Variants in MYOCD observed in about 807,000 individuals in gnomAD.
The protein encoded by MYOCD is myocardin.
In MYOCD, 32 loss-of-function variants were observed where a neutral mutation model predicts 96.1. The observed-to-expected ratio is 0.33, with a 90% CI of 0.25 to 0.45. MYOCD has a LOEUF of 0.45. Among genes scored for constraint, MYOCD ranks in the 20% least tolerant of loss-of-function variants. The probability of loss-of-function intolerance (pLI) is 1.00; values close to 1 mark genes in which losing one functional copy is unlikely to be tolerated. For synonymous variants in MYOCD, 469 were observed against 469.0 expected (o/e 1.00, Z 0.00); for missense variants, 1,133 against 1,200.6 (o/e 0.94, Z 0.83).
At position 12,765,737 on chromosome 17, in the gene MYOCD, G is replaced by T. The variant is rs1261963072; in HGVS notation, c.*2093G>T. 1 of 152,136 alleles carries T rather than the reference G, an allele frequency of 6.6e-6. No individual in the cohort carries two copies. The highest frequency in any genetic ancestry group is 1.5e-5 in the Non-Finnish European group (1 of 68,032). The allele number at this position is 152,136 out of a possible 1,614,324, so 9.4% of individuals were successfully genotyped here. On this transcript the variant is annotated 3_prime_UTR_variant, in exon 14 of 14. Transcript: ENST00000425538. ...GTTGCCTCTCTGTGTATGACTAACG[G>T]CTCCAACCCGATGACTCACAGCTAC...
rs923311145 is a variant in MYOCD at position 12,767,199 on chromosome 17, G to T, written c.*3555G>T. On this transcript the variant is annotated 3_prime_UTR_variant, in exon 14 of 14. Coordinates refer to ENST00000425538, the MANE Select transcript of MYOCD (RefSeq NM_001146312.3). ...AGTCATTCTTAGCACTACAATAATTGTACCAGTAATTGAGGAAACCAAGAC... is the reference window on the plus strand; with the variant it reads ...AGTCATTCTTAGCACTACAATAATTTTACCAGTAATTGAGGAAACCAAGAC... 1.3e-5 allele frequency: 2 copies of T among 152,056 alleles called. No homozygotes were observed. Among genetic ancestry groups the T allele is most frequent in the Admixed American group, 6.6e-5 (1 of 15,262 alleles). The allele number at this position is 152,056 out of a possible 1,614,324, so 9.4% of individuals were successfully genotyped here.
At chr17:12,718,717 A>C in intron 4 of MYOCD, among the ~76,000 whole-genome samples, 1 of 152,098 alleles carries the variant, frequency 6.6e-6, no homozygotes, top group Non-Finnish European at 1.5e-5. Flanking sequence ...TGAGGCAGCC[A>C]AAGGATGCCA....
chr17:12,740,392 G>T (rs1173363248), intron 7 of MYOCD, among the ~76,000 whole-genome samples: 3 of 152,118 alleles, frequency 2.0e-5, no homozygotes, highest in Admixed American at 6.6e-5. Flanking sequence ...TCATAGCTTA[G>T]TTCCCACTTA....
In MYOCD at chr17:12,758,086, T is replaced by C; in HGVS notation, c.2204T>C (p.Met735Thr). The change falls in exon 12 of 14, where the codon ATG (methionine) becomes ACG (threonine). Residue 735 changes from methionine (M) to threonine (T), a missense_variant and splice_region_variant. Coordinates refer to ENST00000425538, the MANE Select transcript of MYOCD (RefSeq NM_001146312.3). ...TTTCTTCATATTTTACCCATGCAGA[T>C]GGCTGGTTTACACTCTTCTGATAAG... is the stretch of plus-strand genomic sequence containing the variant. ...CPKSPCVQQK[M>T]AGLHSSDKVG... 6.2e-7 allele frequency: 1 copy of C among 1,609,726 alleles called. No homozygotes were observed.
chr17:12,728,699 G>A (rs770619843), intron 5 of MYOCD, among the ~76,000 whole-genome samples: 1 of 152,074 alleles, frequency 6.6e-6, no homozygotes, highest in South Asian at 2.1e-4. Flanking sequence ...GGCTTGTCTC[G>A]AACTCCCCAC....
In MYOCD at chr17:12,748,751, T is replaced by A. The variant is rs926460386; in HGVS notation, c.1125+2679T>A. On this transcript the variant is annotated intron_variant, in intron 9 of 13. Coordinates refer to ENST00000425538, the MANE Select transcript of MYOCD (RefSeq NM_001146312.3). The stretch of plus-strand genomic sequence containing the variant: ...TAAAAATAAATGTAGAACTCATCAA[T>A]TTTAAGTAATTCAAAATTAAAACAA... 5.3e-5 allele frequency among the ~76,000 whole-genome samples: 8 copies of A among 152,304 alleles called. No homozygotes were observed. In the East Asian group the frequency reaches 1.4e-3, roughly 26 times the overall value.
chr17:12,726,963 A>G (rs1383215257), intron 5 of MYOCD, among the ~76,000 whole-genome samples: 1 of 152,154 alleles, frequency 6.6e-6, no homozygotes, highest in African/African-American at 2.4e-5. Flanking sequence ...ATTACTAAAA[A>G]TTCTCACTCC....
At chr17:12,718,780 C>T (rs1044394001) in intron 4 of MYOCD, among the ~76,000 whole-genome samples, 2 of 152,170 alleles carry the variant, frequency 1.3e-5, no homozygotes, top group Non-Finnish European at 2.9e-5. Flanking sequence ...AGAATTCTTA[C>T]CTCCTTTGCA....
At chr17:12,744,116 G>T in intron 7 of MYOCD, 67 bp from the exon 8 acceptor site, 1 of 1,563,258 alleles carries the variant, frequency 6.4e-7, no homozygotes, top group Non-Finnish European at 8.7e-7. Context: ...CTCACAACGT[G>T]TCCATGATGC....
In MYOCD at chr17:12,756,416, C is replaced by T; in HGVS notation, c.2061C>T (p.Asn687=). The T allele has an allele frequency of 6.4e-7, 1 of 1,552,160 alleles. No homozygotes were observed. The highest frequency in any genetic ancestry group is 8.7e-7 in the Non-Finnish European group (1 of 1,147,104). ...ATTTGTCACTTCTTCCTTTGCAGAA[C>T]TCAGGAGCACACGATGGCCATCCTC... ...PISSQVCTAQ[N]SGAHDGHPPS... The change falls in exon 11 of 14, where the codon AAC becomes AAT. Residue 687 remains asparagine (N), a splice_region_variant and synonymous_variant. Transcript: ENST00000425538.
At chr17:12,745,470 A>C (rs531379764) in intron 8 of MYOCD, among the ~76,000 whole-genome samples, 1 of 152,196 alleles carries the variant, frequency 6.6e-6, no homozygotes, top group Admixed American at 6.5e-5. Flanking sequence ...CGGCCTCCCA[A>C]AGTGCTCGGA....
At position 12,763,624 on chromosome 17, in the gene MYOCD, C is replaced by T. The variant is rs759143664; in HGVS notation, c.2941C>T (p.Leu981Phe). The change falls in exon 14 of 14, where the codon CTT becomes TTT. Residue 981 changes from leucine (L) to phenylalanine (F), a missense_variant. Coordinates refer to ENST00000425538, the MANE Select transcript of MYOCD (RefSeq NM_001146312.3). ...TDLNLNSSMDLHLQQW is the reference protein window; with the variant it reads ...TDLNLNSSMDFHLQQW The stretch of plus-strand genomic sequence containing the variant: ...TCTCAATTTGAATTCTTCCATGGAC[C>T]TTCACTTGCAGCAGTGGTAGAATGC... 6.2e-7 allele frequency: 1 copy of T among 1,611,882 alleles called. No individual in the cohort carries two copies. The highest frequency in any genetic ancestry group is 1.1e-5 in the South Asian group (1 of 90,608).
In MYOCD at chr17:12,741,484, G is replaced by A. The variant is rs192827371; in HGVS notation, c.717+2156G>A. On this transcript the variant is annotated intron_variant, in intron 7 of 13. Coordinates refer to ENST00000425538, the MANE Select transcript of MYOCD (RefSeq NM_001146312.3). Reference sequence around the variant, plus strand: ...GCACTTTGGGAGGCCGAGGCGGGCAGATCACCTGAGGTCAGGAGTTCGAGA... The same window carrying A: ...GCACTTTGGGAGGCCGAGGCGGGCAAATCACCTGAGGTCAGGAGTTCGAGA... 2.8e-3 allele frequency among the ~76,000 whole-genome samples: 419 copies of A among 152,288 alleles called. 4 individuals are homozygous for A. Among genetic ancestry groups the A allele is most frequent in the African/African-American group, 9.7e-3 (403 of 41,568 alleles).
chr17:12,748,117 G>A (rs1236994431), intron 9 of MYOCD, among the ~76,000 whole-genome samples: 2 of 143,350 alleles, frequency 1.4e-5, no homozygotes, highest in East Asian at 2.1e-4. Context: ...AGCCAAGATC[G>A]TGTCACTGCA....
At chr17:12,736,118 G>T (rs1216441318) in intron 5 of MYOCD, 43 bp from the exon 6 acceptor site, 3 of 1,557,298 alleles carry the variant, frequency 1.9e-6, no homozygotes, top group Non-Finnish European at 2.6e-6. Flanking sequence ...GCCCTTTGAT[G>T]CTCCTAAGCC....
chr17:12,691,556 C>T (rs2030447716), intron 1 of MYOCD, among the ~76,000 whole-genome samples: 1 of 152,130 alleles, frequency 6.6e-6, no homozygotes, highest in Admixed American at 6.6e-5. Context: ...TGATTCTGAG[C>T]TGAGCATCCC....
chr17:12,738,238 T>G (rs144669990), intron 6 of MYOCD, among the ~76,000 whole-genome samples: 1 of 152,270 alleles, frequency 6.6e-6, no homozygotes, highest in Non-Finnish European at 1.5e-5. Context: ...GAGAAAAGAA[T>G]CCTTTGGGCC....
intron 9 of MYOCD, among the ~76,000 whole-genome samples, chr17:12,751,150 G>A (rs773535089): frequency 2.6e-5 from 4 of 151,878 alleles, no homozygotes; most frequent in Non-Finnish European, 5.9e-5. Flanking sequence ...TATTTAATAT[G>A]TTTCCTGTTT....
At chr17:12,673,347 C>A (rs920251437) in intron 1 of MYOCD, among the ~76,000 whole-genome samples, 1 of 152,136 alleles carries the variant, frequency 6.6e-6, no homozygotes, top group Non-Finnish European at 1.5e-5. Context: ...CATTTGTGTT[C>A]TCTTTCTGTC....
Sources: gnomAD v4.1 joint callset for allele counts (sites outside exome capture counted in the v4.1 genomes callset) on GRCh38, gnomAD v4.1.1 for gene constraint, MANE v1.5 for transcripts, NCBI Gene and HGNC (gene_info 2026-07-23, HGNC 2026-07-21) for gene names.